Variants in DYNC2I1 observed in about 807,000 individuals in gnomAD.
The protein encoded by DYNC2I1 is dynein 2 intermediate chain 1.
A neutral mutation model predicts 133.4 loss-of-function variants in DYNC2I1; 89 were observed. The observed-to-expected ratio is 0.67, with a 90% CI of 0.56 to 0.80. The LOEUF is 0.80. Among genes scored for constraint, DYNC2I1 ranks in the 30% least tolerant of loss-of-function variants. The pLI, the probability that DYNC2I1 is intolerant of heterozygous loss-of-function variation, is 0.00. For missense variants in DYNC2I1, 1,291 were observed against 1,314.5 expected (o/e 0.98, Z 0.28); for synonymous variants, 504 against 484.3 (o/e 1.04, Z -0.54).
chr7:158,955,616 CAT>C (rs954900681), intron 4 of DYNC2I1, among the ~76,000 whole-genome samples: 1 of 152,244 alleles, frequency 6.6e-6, no homozygotes, highest in South Asian at 2.1e-4. Context: ...CCAGCGCTAA[CAT>C]AAATCAGAGG....
At chr7:158,886,921 C>G (rs778209134) in intron 6 of DYNC2I1, 100 bp from the exon 7 acceptor site, 77 of 1,135,462 alleles carry the variant, frequency 6.8e-5, no homozygotes, top group Non-Finnish European at 9.3e-5. Context: ...TTAATCATAT[C>G]AAAATATTGT....
chr7:158,867,128 G>C (rs538891538), intron 1 of DYNC2I1, among the ~76,000 whole-genome samples: 7 of 151,604 alleles, frequency 4.6e-5, no homozygotes, highest in African/African-American at 1.2e-4. Flanking sequence ...ATTCTCTGCA[G>C]GAAATCATCC....
chr7:158,861,845 C>G, intron 1 of DYNC2I1, among the ~76,000 whole-genome samples: 1 of 152,252 alleles, frequency 6.6e-6, no homozygotes, highest in South Asian at 2.1e-4. Flanking sequence ...TCTTCGTTAC[C>G]GTTTTCTTCA....
chr7:158,891,549 G>A (rs1845218399), intron 8 of DYNC2I1, among the ~76,000 whole-genome samples: 1 of 152,168 alleles, frequency 6.6e-6, no homozygotes, highest in Non-Finnish European at 1.5e-5. Flanking sequence ...TGGGTTGTGG[G>A]GGTCAAGGAA....
intron 11 of DYNC2I1, among the ~76,000 whole-genome samples, chr7:158,910,415 C>T (rs991610894): frequency 3.5e-5 from 3 of 85,574 alleles, no homozygotes; most frequent in Non-Finnish European, 6.3e-5. Context: ...TGTGGGAGCG[C>T]GATTGGCTGT....
intron 21 of DYNC2I1, among the ~76,000 whole-genome samples, chr7:158,930,943 C>T (rs946633915): frequency 1.3e-5 from 2 of 152,202 alleles, no homozygotes; most frequent in Non-Finnish European, 1.5e-5. Flanking sequence ...GCTGGGATTA[C>T]AGGTGTGAGC....
At chr7:158,943,820 G>A (rs1324783957) in intron 24 of DYNC2I1, among the ~76,000 whole-genome samples, 1 of 152,166 alleles carries the variant, frequency 6.6e-6, no homozygotes, top group Non-Finnish European at 1.5e-5. Flanking sequence ...CTGAGACCCC[G>A]ATGACTGGCT....
At chr7:158,928,799 C>T (rs1187676065) in intron 20 of DYNC2I1, among the ~76,000 whole-genome samples, 4 of 152,014 alleles carry the variant, frequency 2.6e-5, no homozygotes, top group African/African-American at 4.8e-5. Context: ...CACCAACCCC[C>T]CTTCACACCC....
At position 158,914,851 on chromosome 7, in the gene DYNC2I1, A is replaced by C. The variant is rs189366442; in HGVS notation, c.1791+530A>C. ...ATTTTGAAACAAATCCCAATCATCT[A>C]ACTTTGCCTCCAAATACAGTTCAGT... On this transcript the variant is annotated intron_variant, in intron 14 of 24. Coordinates refer to ENST00000407559, the MANE Select transcript of DYNC2I1 (RefSeq NM_018051.5). 2.6e-4 allele frequency among the ~76,000 whole-genome samples: 39 copies of C among 152,306 alleles called. 1 individual carries two copies. In the East Asian group the frequency reaches 6.6e-3, roughly 26 times the overall value.
At chr7:158,852,726 C>T (rs1410102433), upstream of DYNC2I1, among the ~76,000 whole-genome samples, 14 of 151,924 alleles carry the variant, frequency 9.2e-5, 1 homozygote, top group Non-Finnish European at 2.9e-5. Flanking sequence ...GGGACAAGAG[C>T]GAGACTTCGT....
the DYNC2I1 span, among the ~76,000 whole-genome samples, chr7:158,841,035 T>C: frequency 6.6e-6 from 1 of 151,840 alleles, no homozygotes; most frequent in East Asian, 1.9e-4. Flanking sequence ...TTTTAATCTT[T>C]GTATCACAAC....
At chr7:158,925,219 C>T (rs1436001990) in intron 17 of DYNC2I1, among the ~76,000 whole-genome samples, 1 of 152,186 alleles carries the variant, frequency 6.6e-6, no homozygotes, top group African/African-American at 2.4e-5. Flanking sequence ...CATCTGGGTC[C>T]TCTCACTTAG....
intron 4 of DYNC2I1, among the ~76,000 whole-genome samples, chr7:158,955,720 C>A (rs1315044557): frequency 6.6e-6 from 1 of 152,168 alleles, no homozygotes; most frequent in African/African-American, 2.4e-5. Context: ...CCGTGAGTTC[C>A]CCACAGCACT....
chr7:158,920,433 T>C (rs1056523125), intron 15 of DYNC2I1, among the ~76,000 whole-genome samples: 4 of 96,038 alleles, frequency 4.2e-5, no homozygotes, highest in Non-Finnish European at 6.6e-5. Context: ...GGCCTCCATC[T>C]GGGAACACGT....
At chr7:158,863,623 G>GT (rs1240546619) in intron 1 of DYNC2I1, among the ~76,000 whole-genome samples, 1 of 93,046 alleles carries the variant, frequency 1.1e-5, no homozygotes, top group Non-Finnish European at 2.1e-5. Context: ...CTCCGGGTGT[G>GT]TTTGGGGGGG....
chr7:158,884,835 T>G (rs1844439351), intron 6 of DYNC2I1, among the ~76,000 whole-genome samples: 2 of 152,350 alleles, frequency 1.3e-5, no homozygotes. Context: ...TTATTAGCTT[T>G]CTTTGGCCTT....
At chr7:158,905,834 G>A (rs1846745984) in intron 10 of DYNC2I1, among the ~76,000 whole-genome samples, 155 bp from the exon 11 acceptor site, 1 of 152,174 alleles carries the variant, frequency 6.6e-6, no homozygotes, top group Non-Finnish European at 1.5e-5. Context: ...ATCAAGAGAG[G>A]TCTCTCAAAT....
intron 20 of DYNC2I1, among the ~76,000 whole-genome samples, chr7:158,928,961 G>A (rs1448753485): frequency 6.6e-6 from 1 of 152,132 alleles, no homozygotes; most frequent in Non-Finnish European, 1.5e-5. Context: ...GTGATAATCC[G>A]GCTATGGAGA....
At chr7:158,882,875 CAAAA>C (rs71200076) in intron 5 of DYNC2I1, among the ~76,000 whole-genome samples, 5 of 108,530 alleles carry the variant, frequency 4.6e-5, no homozygotes, top group Admixed American at 9.5e-5. Context: ...GCCTTTGTCT[CAAAA>C]AAAAAAAAAA....
Sources: allele counts gnomAD v4.1 joint callset (sites outside exome capture counted in the v4.1 genomes callset), GRCh38; gene constraint gnomAD v4.1.1; transcripts MANE v1.5; gene names NCBI Gene and HGNC (gene_info 2026-07-23, HGNC 2026-07-21).